Variants in VEPH1 observed in about 807,000 individuals in gnomAD.
VEPH1 encodes ventricular zone-expressed PH domain-containing protein homolog 1.
VEPH1 carries 80 observed loss-of-function variants against 85.2 expected under a neutral mutation model. The observed-to-expected ratio is 0.94, with a 90% confidence interval of 0.78 to 1.13. The LOEUF is 1.13. Among genes scored for constraint, VEPH1 ranks in the 50% most tolerant of loss-of-function variants. VEPH1 has a pLI of 0.00. For missense variants in VEPH1, 955 were observed against 980.5 expected (o/e 0.97, Z 0.35); for synonymous variants, 297 against 348.0 (o/e 0.85, Z 1.63).
intron 2 of VEPH1, 68 bp from the exon 3 acceptor site, chr3:157,470,597 T>C (rs960615857): frequency 1.4e-6 from 2 of 1,476,600 alleles, no homozygotes; most frequent in African/African-American, 2.8e-5. Context: ...GACAAAATAC[T>C]AACTCAGTCA....
At chr3:157,297,972 A>G (rs1546261) in intron 11 of VEPH1, among the ~76,000 whole-genome samples, 102,859 of 151,946 alleles carry the variant, frequency 0.68, 35,056 homozygotes, top group East Asian at 0.78. Context: ...TGAGGTACCC[A>G]GGCCCTGATC....
intron 7 of VEPH1, among the ~76,000 whole-genome samples, chr3:157,364,847 C>G (rs1026643854): frequency 6.6e-6 from 1 of 152,096 alleles, no homozygotes; most frequent in Non-Finnish European, 1.5e-5. Context: ...AAATGTGTGC[C>G]AGATATTTTC....
chr3:157,495,772 C>A (rs777836992), intron 1 of VEPH1, among the ~76,000 whole-genome samples: 1 of 152,208 alleles, frequency 6.6e-6, no homozygotes, highest in African/African-American at 2.4e-5. Context: ...CTTTCTACAT[C>A]CTTCTCTTCT....
intron 11 of VEPH1, among the ~76,000 whole-genome samples, chr3:157,307,951 C>G (rs1719694406): frequency 6.6e-6 from 1 of 151,418 alleles, no homozygotes; most frequent in Non-Finnish European, 1.5e-5. Context: ...CCTTTATAGT[C>G]TTTACTGCTA....
rs1431659998 is a variant in VEPH1 at position 157,460,211 on chromosome 3, T to G, written c.499A>C (p.Thr167Pro). 5 of 1,614,144 alleles carry G rather than the reference T, an allele frequency of 3.1e-6. No homozygotes were observed. In the Admixed American group the frequency reaches 8.3e-5, roughly 27 times the overall value. The change falls in exon 4 of 14, where the codon ACG becomes CCG. Residue 167 changes from threonine (T) to proline (P), a missense_variant. Coordinates refer to ENST00000362010, the MANE Select transcript of VEPH1 (RefSeq NM_001167912.2). Reference protein sequence around the residue: ...ITKADLLADHTEVIVKSILQG... With the variant: ...ITKADLLADHPEVIVKSILQG... ...AGTATGCTCTTTACTATAACTTCCG[T>G]GTGATCAGCCAGGAGATCTGCCTTG...
At position 157,267,933 on chromosome 3, in the gene VEPH1, C is replaced by A. The variant is rs77048292; in HGVS notation, c.2129-2271G>T. On this transcript the variant is annotated intron_variant, in intron 12 of 13. Transcript: ENST00000362010. ...AGAGCTTGGATGTTTGAGGTGATGACATTTGATCTGACACCTCAGTGATAA... is the reference window on the plus strand; with the variant it reads ...AGAGCTTGGATGTTTGAGGTGATGAAATTTGATCTGACACCTCAGTGATAA... Among the ~76,000 whole-genome samples, 661 of 152,302 alleles carry A rather than the reference C, an allele frequency of 4.3e-3. 2 individuals carry two copies. The highest frequency in any genetic ancestry group is 0.017 in the Middle Eastern group (5 of 294).
At chr3:157,282,041 C>T (rs78581231) in intron 12 of VEPH1, among the ~76,000 whole-genome samples, 6,070 of 152,154 alleles carry the variant, frequency 0.04, 155 homozygotes, top group South Asian at 0.11. Context: ...CAAAGGAGAC[C>T]CACAACTGCT....
chr3:157,265,316 AG>A (rs1340491007), intron 13 of VEPH1, among the ~76,000 whole-genome samples: 2 of 152,248 alleles, frequency 1.3e-5, no homozygotes, highest in African/African-American at 2.4e-5. Flanking sequence ...AACTAAAACA[AG>A]CTTCCATAAT....
intron 6 of VEPH1, among the ~76,000 whole-genome samples, chr3:157,406,047 A>G (rs1434356062): frequency 1.3e-5 from 2 of 152,184 alleles, no homozygotes; most frequent in Non-Finnish European, 2.9e-5. Context: ...TAAGAGGTTT[A>G]TTACTAATAT....
rs58708932 is a variant in VEPH1, at chr3:157,304,038, T to TACAC, written c.2010+9579_2010+9582dup. On this transcript the variant is annotated intron_variant, in intron 11 of 13. Transcript: ENST00000362010. Reference sequence around the variant, plus strand: ...CTTATATTTTTTATATATATATATATACACACATACTGTTACATCTTATAT... The same window carrying TACAC: ...CTTATATTTTTTATATATATATATATACACACACACATACTGTTACATCTTATAT... Among the ~76,000 whole-genome samples the TACAC allele has an allele frequency of 5.8e-4, 56 of 96,918 alleles. 3 individuals are homozygous for TACAC. The highest frequency in any genetic ancestry group is 1.6e-3 in the African/African-American group (52 of 32,708). The allele number at this position is 96,918 out of a possible 152,430, so 63.6% of individuals were successfully genotyped here.
At chr3:157,357,638 G>A (rs1192176649) in intron 9 of VEPH1, among the ~76,000 whole-genome samples, 5 of 151,994 alleles carry the variant, frequency 3.3e-5, no homozygotes, top group South Asian at 2.1e-4. Context: ...GACTGCAGGC[G>A]CGTGCTACCA....
chr3:157,374,900 T>A (rs765423660), intron 7 of VEPH1, among the ~76,000 whole-genome samples: 1 of 152,238 alleles, frequency 6.6e-6, no homozygotes, highest in Non-Finnish European at 1.5e-5. Flanking sequence ...CATGAAATAC[T>A]GTGAAAACTG....
chr3:157,463,897 C>T (rs1010744341), intron 3 of VEPH1, among the ~76,000 whole-genome samples: 14 of 152,162 alleles, frequency 9.2e-5, no homozygotes, highest in African/African-American at 2.2e-4. Flanking sequence ...AGGTAGACCA[C>T]GGTGAAACCT....
At chr3:157,322,535 C>T (rs1463093536) in intron 9 of VEPH1, among the ~76,000 whole-genome samples, 4 of 151,980 alleles carry the variant, frequency 2.6e-5, no homozygotes, top group African/African-American at 2.4e-5. Context: ...GAGGAAATTT[C>T]GTATTAGAAA....
rs775801934 is a variant in VEPH1 at position 157,460,224 on chromosome 3, G to C, written c.486C>G (p.Leu162=). The part of the protein sequence containing the change: ...LSLAAITKAD[L]LADHTEVIVK... ...CTATAACTTCCGTGTGATCAGCCAGGAGATCTGCCTTGGTAATTGCAGCCA... is the reference window on the plus strand; with the variant it reads ...CTATAACTTCCGTGTGATCAGCCAGCAGATCTGCCTTGGTAATTGCAGCCA... Residue 162 remains leucine (L), a synonymous_variant, in exon 4 of 14, where the codon CTC becomes CTG. Transcript: ENST00000362010. 1 of 1,614,138 alleles carries C rather than the reference G, an allele frequency of 6.2e-7. No homozygotes were observed. Among genetic ancestry groups the C allele is most frequent in the Non-Finnish European group, 8.5e-7 (1 of 1,180,032 alleles).
intron 9 of VEPH1, among the ~76,000 whole-genome samples, chr3:157,360,507 T>C (rs1443291362): frequency 6.6e-6 from 1 of 152,086 alleles, no homozygotes; most frequent in South Asian, 2.1e-4. Context: ...AGTTAACTAG[T>C]TAATTGTCAA....
chr3:157,284,717 C>T (rs1716561157), intron 12 of VEPH1, among the ~76,000 whole-genome samples: 1 of 150,982 alleles, frequency 6.6e-6, no homozygotes, highest in African/African-American at 2.4e-5. Context: ...AACTCAAATC[C>T]TCTTTCATGT....
intron 11 of VEPH1, among the ~76,000 whole-genome samples, chr3:157,291,239 ATAAG>A: frequency 6.6e-6 from 1 of 152,344 alleles, no homozygotes; most frequent in African/African-American, 2.4e-5. Flanking sequence ...TCACATAATA[ATAAG>A]TTTATGTTTG....
At position 157,490,083 on chromosome 3, in the gene VEPH1, T is replaced by A. The variant is rs187190920; in HGVS notation, c.138+5129A>T. ...AAACATATAAATAAAGGGATAGAAA[T>A]GTAATGTCTATAGATATAAAGACAG... is the stretch of plus-strand genomic sequence containing the variant. On this transcript the variant is annotated intron_variant, in intron 2 of 13. Coordinates refer to ENST00000362010, the MANE Select transcript of VEPH1 (RefSeq NM_001167912.2). Among the ~76,000 whole-genome samples, 13 of 152,134 alleles carry A rather than the reference T, an allele frequency of 8.5e-5. No homozygotes were observed. The East Asian group carries it at 2.5e-3, about 29-fold the overall frequency.
Sources: allele counts gnomAD v4.1 joint callset (sites outside exome capture counted in the v4.1 genomes callset), GRCh38; gene constraint gnomAD v4.1.1; transcripts MANE v1.5; gene names NCBI Gene and HGNC (gene_info 2026-07-23, HGNC 2026-07-21).